The following CD80 variants were observed in gnomAD, a reference collection of about 807,000 sequenced individuals.
The protein encoded by CD80 is T-lymphocyte activation antigen CD80.
CD80 carries 13 observed loss-of-function variants against 27.1 expected under a neutral mutation model. The ratio of observed to expected loss-of-function variants is 0.48; its 90% CI spans 0.31 to 0.76. The LOEUF (loss-of-function observed/expected upper bound fraction) is 0.76. Among genes scored for constraint, CD80 ranks in the 30% least tolerant of loss-of-function variants. The pLI is 0.04. For synonymous variants in CD80, 125 were observed against 125.5 expected (o/e 1.00, Z 0.03); for missense variants, 277 against 347.9 (o/e 0.80, Z 1.62).
rs1364310487 is a variant in CD80, at chr3:119,529,957, A to G, written c.701-20T>C. On this transcript the variant is annotated intron_variant, in intron 4 of 6. Transcript: ENST00000264246. ...GCTTGGCTATGGAGGGAAAAGAATA[A>G]TGTCAGCTGTAATGTATTTCCTACT... The G allele has an allele frequency of 6.5e-7, 1 of 1,528,286 alleles. No individual in the cohort carries two copies. Among genetic ancestry groups the G allele is most frequent in the Admixed American group, 1.7e-5 (1 of 59,870 alleles). The allele number at this position is 1,528,286 out of a possible 1,614,324, so 94.7% of individuals were successfully genotyped here.
intron 2 of CD80, among the ~76,000 whole-genome samples, chr3:119,552,046 G>A (rs2082235477): frequency 6.6e-6 from 1 of 152,242 alleles, no homozygotes; most frequent in Non-Finnish European, 1.5e-5. Flanking sequence ...GGGCACAATA[G>A]GGACACTCAA....
chr3:119,547,835 T>C (rs866714671), intron 2 of CD80, among the ~76,000 whole-genome samples: 2 of 152,146 alleles, frequency 1.3e-5, no homozygotes, highest in African/African-American at 4.8e-5. Context: ...TTTCCACCTA[T>C]ACATACCACT....
intron 3 of CD80, among the ~76,000 whole-genome samples, chr3:119,541,788 C>CCTTTA (rs1455663705): frequency 6.6e-6 from 1 of 152,134 alleles, no homozygotes; most frequent in East Asian, 1.9e-4. Flanking sequence ...TTTTGTCTTC[C>CCTTTA]CTTTACTGGA....
chr3:119,548,430 T>C (rs536043643), intron 2 of CD80, among the ~76,000 whole-genome samples: 2 of 152,118 alleles, frequency 1.3e-5, no homozygotes, highest in African/African-American at 4.8e-5. Context: ...AAGACCTGAA[T>C]ATAAGTGCCA....
chr3:119,550,866 C>T (rs140537200), intron 2 of CD80, among the ~76,000 whole-genome samples: 406 of 152,300 alleles, frequency 2.7e-3, no homozygotes, highest in Non-Finnish European at 5.0e-3. Context: ...ACTTTGCTCA[C>T]ATCTACTCTC....
At chr3:119,529,765 C>CAT in intron 5 of CD80, 77 bp downstream of exon 5, 1 of 996,968 alleles carries the variant, frequency 1.0e-6, no homozygotes, top group East Asian at 2.4e-5. Flanking sequence ...GCTAAAACCT[C>CAT]AGAGAGATGC....
chr3:119,527,691 T>C, intron 6 of CD80, 42 bp downstream of exon 6: 1 of 1,187,024 alleles, frequency 8.4e-7, no homozygotes, highest in East Asian at 2.3e-5. Flanking sequence ...TGCCTCATGA[T>C]CCCCACGATC....
At chr3:119,552,568 G>C (rs1302840168) in intron 2 of CD80, among the ~76,000 whole-genome samples, 1 of 147,436 alleles carries the variant, frequency 6.8e-6, no homozygotes, top group Non-Finnish European at 1.5e-5. Context: ...ATCTAGGCCA[G>C]GCACCCGTAA....
chr3:119,544,760 TCTC>T lies in CD80; in HGVS notation c.205_207del (p.Glu69del). On this transcript the variant is annotated inframe_deletion, in exon 3 of 7. Transcript: ENST00000264246. ...GACATCATAGTCAGCACCATTTTCT[TCTC>T]CTTTTGCCAGTAGATGCGAGTTTGT... 1 of 1,614,168 alleles carries T rather than the reference TCTC, an allele frequency of 6.2e-7. No individual in the cohort carries two copies. The highest frequency in any genetic ancestry group is 8.5e-7 in the Non-Finnish European group (1 of 1,180,026).
rs1157863099 is a variant in CD80 at position 119,529,847 on chromosome 3, G to T, written c.791C>A (p.Thr264Asn). Residue 264 changes from threonine to asparagine, a missense_variant, in exon 5 of 7, where the codon ACC becomes AAC. Physicochemically the swap from Thr to Asn is moderately conservative, Grantham distance 65. Coordinates refer to ENST00000264246, the MANE Select transcript of CD80 (RefSeq NM_005191.4). ...GATGGTATGATAGTACTTACAGTAG[G>T]TCAGGCAGCATATCACAAAAATTCC... ...VNGIFVICCL[T>N]YCFAPRCRER... The T allele has an allele frequency of 6.3e-7, 1 of 1,598,318 alleles. No individual in the cohort carries two copies. The highest frequency in any genetic ancestry group is 1.3e-5 in the African/African-American group (1 of 74,720).
At chr3:119,543,216 T>C (rs1253727677) in intron 3 of CD80, among the ~76,000 whole-genome samples, 1 of 152,266 alleles carries the variant, frequency 6.6e-6, no homozygotes, top group South Asian at 2.1e-4. Context: ...CCTGTCTTGA[T>C]GAATTGGCTC....
intron 2 of CD80, among the ~76,000 whole-genome samples, chr3:119,548,090 C>T (rs189592154): frequency 1.3e-5 from 2 of 152,134 alleles, no homozygotes; most frequent in Admixed American, 1.3e-4. Flanking sequence ...AAGCAGTTCT[C>T]CTGCCTCAGC....
At chr3:119,554,073 C>A (rs1238274780) in intron 2 of CD80, among the ~76,000 whole-genome samples, 1 of 152,238 alleles carries the variant, frequency 6.6e-6, no homozygotes, top group African/African-American at 2.4e-5. Flanking sequence ...CCTGTTTAGA[C>A]CCTGCTCATA....
chr3:119,532,032 A>G (rs1193944799), intron 4 of CD80, among the ~76,000 whole-genome samples: 1 of 152,028 alleles, frequency 6.6e-6, no homozygotes, highest in Non-Finnish European at 1.5e-5. Flanking sequence ...TCCTTCTTGG[A>G]CTTCTGTGAC....
chr3:119,547,170 T>C (rs771900704), intron 2 of CD80, among the ~76,000 whole-genome samples: 1 of 152,244 alleles, frequency 6.6e-6, no homozygotes, highest in Non-Finnish European at 1.5e-5. Flanking sequence ...TGGGCTTTTT[T>C]CATTCAATAA....
intron 3 of CD80, among the ~76,000 whole-genome samples, chr3:119,543,079 C>T (rs761976974): frequency 5.9e-5 from 9 of 152,184 alleles, no homozygotes; most frequent in Non-Finnish European, 1.3e-4. Context: ...TGGCTTCCCC[C>T]GACCCACCTA....
At chr3:119,533,227 AG>A (rs2082119080) in intron 4 of CD80, among the ~76,000 whole-genome samples, 1 of 152,210 alleles carries the variant, frequency 6.6e-6, no homozygotes, top group Non-Finnish European at 1.5e-5. Context: ...AACATCCCAC[AG>A]GGGCAGACCC....
intron 4 of CD80, among the ~76,000 whole-genome samples, chr3:119,533,109 C>T (rs1459950805): frequency 2.0e-5 from 3 of 152,210 alleles, no homozygotes; most frequent in East Asian, 1.9e-4. Context: ...CCACTCCACA[C>T]CCATCCACAA....
chr3:119,532,203 T>C (rs1207372563), intron 4 of CD80, among the ~76,000 whole-genome samples: 1 of 152,100 alleles, frequency 6.6e-6, no homozygotes, highest in South Asian at 2.1e-4. Context: ...ACACCTGAGA[T>C]TTGAAATGCC....
Sources: gnomAD v4.1 joint callset for allele counts (sites outside exome capture counted in the v4.1 genomes callset) on GRCh38, gnomAD v4.1.1 for gene constraint, MANE v1.5 for transcripts, NCBI Gene and HGNC (gene_info 2026-07-23, HGNC 2026-07-21) for gene names.